Variants in IRF2BPL observed in about 807,000 individuals in gnomAD.
IRF2BPL encodes interferon regulatory factor 2 binding protein like.
In IRF2BPL, 13 loss-of-function variants were observed where a neutral mutation model predicts 51.2. That is an observed-to-expected ratio of 0.25 (90% confidence interval 0.17 to 0.40). The LOEUF (loss-of-function observed/expected upper bound fraction) is 0.40, where lower values mean the gene tolerates loss of function less well. Ranked by LOEUF, IRF2BPL falls within the 10% of genes least tolerant of loss-of-function variation. The pLI, the probability that IRF2BPL is intolerant of heterozygous loss-of-function variation, is 1.00. For synonymous variants in IRF2BPL, 768 were observed against 509.2 expected, an observed-to-expected ratio of 1.51 and a Z score of -6.84; for missense variants, 1,210 against 1,111.8, an observed-to-expected ratio of 1.09 and a Z score of -1.26.
In IRF2BPL at chr14:77,027,719, G is replaced by A. The variant is rs1360814461; in HGVS notation, c.74C>T (p.Ala25Val). 6.2e-7 allele frequency: 1 copy of A among 1,608,694 alleles called. No individual in the cohort carries two copies. Among genetic ancestry groups the A allele is most frequent in the Non-Finnish European group, 8.5e-7 (1 of 1,177,942 alleles). The change falls in exon 1 of 1, where the codon GCC (alanine) becomes GTC (valine). Residue 25 changes from alanine (A) to valine (V), a missense_variant. Physicochemically the swap from Ala to Val is moderately conservative, Grantham distance 64 (BLOSUM62 0). Coordinates refer to ENST00000238647, the MANE Select transcript of IRF2BPL (RefSeq NM_024496.4). ...YLCDLPRMPW[A>V]MIWDFSEPVC... ...GGGTTCCGAGAAGTCCCAGATCATGGCCCAGGGCATGCGGGGCAGGTCGCA... is the reference window on the plus strand; with the variant it reads ...GGGTTCCGAGAAGTCCCAGATCATGACCCAGGGCATGCGGGGCAGGTCGCA...
Position 77,028,300 on chromosome 14 carries a change from G to A in IRF2BPL, c.-508C>T, listed in dbSNP as rs925141296. 2.1e-4 allele frequency: 51 copies of A among 247,462 alleles called. No homozygotes were observed. Among genetic ancestry groups the A allele is most frequent in the Admixed American group, 7.9e-4 (14 of 17,632 alleles). The allele number at this position is 247,462 out of a possible 1,614,324, so 15.3% of individuals were successfully genotyped here. ...GCCAGAGGGTTCAGTGCCACCCGGT[G>A]CCCGGGTCCAATCTTGCTGAAGCCG... On this transcript the variant is annotated 5_prime_UTR_variant, in exon 1 of 1. Coordinates refer to ENST00000238647, the MANE Select transcript of IRF2BPL (RefSeq NM_024496.4).
In IRF2BPL at chr14:77,028,071, C is replaced by T. The variant is rs1885217811; in HGVS notation, c.-279G>A. 2.7e-6 allele frequency: 1 copy of T among 364,736 alleles called. No individual in the cohort carries two copies. Among genetic ancestry groups the T allele is most frequent in the Non-Finnish European group, 5.1e-6 (1 of 195,362 alleles). 22.6% of individuals were successfully genotyped at this position (364,736 alleles called of 1,614,324 possible). On this transcript the variant is annotated 5_prime_UTR_variant, in exon 1 of 1. Transcript: ENST00000238647. ...CTCGTCGCGAGGGGAGCTCAGGCGC[C>T]TTCTTCCTGGTGCTGCAGACTTGGG...
rs770946734 is a variant in IRF2BPL at position 77,027,420 on chromosome 14, GC to G, written c.372del (p.Gln124HisfsTer28). On this transcript the variant is annotated frameshift_variant, in exon 1 of 1. Coordinates refer to ENST00000238647, the MANE Select transcript of IRF2BPL (RefSeq NM_024496.4). LOFTEE classifies it high-confidence loss of function. ...CCATCAACGTGGTTGAGCTGTTGTT[GC>G]TGCTGCTGCTGCTGCTGCTGCTGCT... ...QQQQQQQQQQ[Q>X]QQQLNHVDGS... is the part of the protein sequence containing the mutation. 1.9e-3 allele frequency: 402 copies of G among 207,236 alleles called. 3 individuals carry two copies. In the South Asian group the frequency reaches 0.026, roughly 13 times the overall value. The allele number at this position is 207,236 out of a possible 1,614,324, so 12.8% of individuals were successfully genotyped here. A position where few individuals can be genotyped will look rare whatever the true frequency, so the allele number is the denominator to read the frequency against.
Position 77,026,790 on chromosome 14 carries a change from C to T in IRF2BPL, c.1003G>A (p.Val335Met), listed in dbSNP as rs1378876593. Residue 335 changes from valine (V) to methionine (M), a missense_variant, in exon 1 of 1, where the codon GTG becomes ATG. By Grantham distance (21) the Val-to-Met change is conservative (BLOSUM62 1). Coordinates refer to ENST00000238647, the MANE Select transcript of IRF2BPL (RefSeq NM_024496.4). ...TCGCGCTCCTGGTCTGTGCTCGACA[C>T]CGAGCCGGGCCTCTTACCACCAGCA... ...VGAGGKRPGS[V>M]SSTDQERELK... The T allele has an allele frequency of 3.7e-6, 6 of 1,612,608 alleles. No individual in the cohort carries two copies. Among genetic ancestry groups the T allele is most frequent in the African/African-American group, 2.7e-5 (2 of 74,932 alleles).
At position 77,025,364 on chromosome 14, in the gene IRF2BPL, G is replaced by T; in HGVS notation, c.*38C>A. ...GGGAGGGGCCCTCAGGATTGGAGAGGAGCTGGTCTAGGGCAAAGGAGGTGG... is the reference window on the plus strand; with the variant it reads ...GGGAGGGGCCCTCAGGATTGGAGAGTAGCTGGTCTAGGGCAAAGGAGGTGG... On this transcript the variant is annotated 3_prime_UTR_variant, in exon 1 of 1. Transcript: ENST00000238647. 2 of 1,444,162 alleles carry T rather than the reference G, an allele frequency of 1.4e-6. No individual in the cohort carries two copies. Among genetic ancestry groups the T allele is most frequent in the Non-Finnish European group, 1.9e-6 (2 of 1,073,218 alleles). The allele number at this position is 1,444,162 out of a possible 1,614,324, so 89.5% of individuals were successfully genotyped here.
rs1227932885 is a variant in IRF2BPL, at chr14:77,026,137, G to A, written c.1656C>T (p.Asp552=). The change falls in exon 1 of 1, where the codon GAC becomes GAT. Residue 552 remains aspartate (D), a synonymous_variant. Coordinates refer to ENST00000238647, the MANE Select transcript of IRF2BPL (RefSeq NM_024496.4). Reference sequence around the variant, plus strand: ...CCAGCTTCAGCGCGCCCTCGGCTGAGTCCGGGGGCTCCGGAGAGGCCTTTC... The same window carrying A: ...CCAGCTTCAGCGCGCCCTCGGCTGAATCCGGGGGCTCCGGAGAGGCCTTTC... The part of the protein sequence containing the change: ...RKRKASPEPP[D]SAEGALKLGE... 4.0e-5 allele frequency: 62 copies of A among 1,552,960 alleles called. No individual in the cohort carries two copies. Among genetic ancestry groups the A allele is most frequent in the Non-Finnish European group, 5.3e-5 (61 of 1,157,548 alleles).
In IRF2BPL at chr14:77,025,353, G is replaced by A; in HGVS notation, c.*49C>T. On this transcript the variant is annotated 3_prime_UTR_variant, in exon 1 of 1. Coordinates refer to ENST00000238647, the MANE Select transcript of IRF2BPL (RefSeq NM_024496.4). ...AGTTGGGTTGGGGGAGGGGCCCTCA[G>A]GATTGGAGAGGAGCTGGTCTAGGGC... 2.2e-6 allele frequency: 3 copies of A among 1,386,504 alleles called. No homozygotes were observed. Among genetic ancestry groups the A allele is most frequent in the Non-Finnish European group, 2.9e-6 (3 of 1,025,190 alleles). The allele number at this position is 1,386,504 out of a possible 1,614,324, so 85.9% of individuals were successfully genotyped here. A position where few individuals can be genotyped will look rare whatever the true frequency, so the allele number is the denominator to read the frequency against.
In IRF2BPL at chr14:77,025,543, C is replaced by G. The variant is rs1315599123; in HGVS notation, c.2250G>C (p.Gln750His). ...FPCSRESIKA[Q>H]GATGEVYCPS... is the part of the protein sequence containing the mutation. ...GGCAATACACCTCGCCGGTGGCCCC[C>G]TGGGCCTTGATACTCTCTCTAGAGC... The change falls in exon 1 of 1, where the codon CAG (glutamine) becomes CAC (histidine). Residue 750 changes from glutamine to histidine, a missense_variant. Gln to His is a conservative substitution (Grantham distance 24, BLOSUM62 0). Coordinates refer to ENST00000238647, the MANE Select transcript of IRF2BPL (RefSeq NM_024496.4). 2 of 1,613,910 alleles carry G rather than the reference C, an allele frequency of 1.2e-6. No homozygotes were observed. The highest frequency in any genetic ancestry group is 1.7e-6 in the Non-Finnish European group (2 of 1,179,872).
At position 77,028,081 on chromosome 14, in the gene IRF2BPL, G is replaced by C; in HGVS notation, c.-289C>G. ...GGGGAGCTCAGGCGCCTTCTTCCTG[G>C]TGCTGCAGACTTGGGCTGGAAGCTC... On this transcript the variant is annotated 5_prime_UTR_variant, in exon 1 of 1. Coordinates refer to ENST00000238647, the MANE Select transcript of IRF2BPL (RefSeq NM_024496.4). 2.9e-6 allele frequency: 1 copy of C among 343,092 alleles called. No homozygotes were observed. The highest frequency in any genetic ancestry group is 5.5e-6 in the Non-Finnish European group (1 of 181,160). The allele number at this position is 343,092 out of a possible 1,614,324, so 21.3% of individuals were successfully genotyped here.
chr14:77,025,439 G>T lies in IRF2BPL; in HGVS notation c.2354C>A (p.Ala785Asp), dbSNP rs1432066824. ...CTCCTTTTTCACTTTAACATCCCCA[G>T]CTAAGATAGTCGCGATTTCGCCCTG... ...FMQGEIATIL[A>D]GDVKVKKERD... The change falls in exon 1 of 1, where the codon GCT (alanine) becomes GAT (aspartate). Residue 785 changes from alanine to aspartate, a missense_variant. Transcript: ENST00000238647. 1 of 1,589,776 alleles carries T rather than the reference G, an allele frequency of 6.3e-7. No homozygotes were observed. The highest frequency in any genetic ancestry group is 8.6e-7 in the Non-Finnish European group (1 of 1,167,428).
At position 77,028,179 on chromosome 14, in the gene IRF2BPL, C is replaced by G. The variant is rs1396944817; in HGVS notation, c.-387G>C. 5 of 233,760 alleles carry G rather than the reference C, an allele frequency of 2.1e-5. No individual in the cohort carries two copies. The highest frequency in any genetic ancestry group is 3.6e-5 in the Non-Finnish European group (4 of 111,546). 14.5% of individuals were successfully genotyped at this position (233,760 alleles called of 1,614,324 possible). ...CCTCTTGGCCCCCTCCCCGGAGTGGCTGGTGCGTGGAAGCTCGAAAGGGGC... is the reference window on the plus strand; with the variant it reads ...CCTCTTGGCCCCCTCCCCGGAGTGGGTGGTGCGTGGAAGCTCGAAAGGGGC... On this transcript the variant is annotated 5_prime_UTR_variant, in exon 1 of 1. Coordinates refer to ENST00000238647, the MANE Select transcript of IRF2BPL (RefSeq NM_024496.4).
rs752194279 is a variant in IRF2BPL at position 77,026,627 on chromosome 14, T to C, written c.1166A>G (p.Glu389Gly). ...LLTLAGCTPY[E>G]VRFKKDHSLL... is the part of the protein sequence containing the mutation. ...CGAGTGGTCCTTCTTGAAGCGAACCTCGTAGGGCGTGCAGCCTGCCAGCGT... is the reference window on the plus strand; with the variant it reads ...CGAGTGGTCCTTCTTGAAGCGAACCCCGTAGGGCGTGCAGCCTGCCAGCGT... Residue 389 changes from glutamate (E) to glycine (G), a missense_variant, in exon 1 of 1, where the codon GAG becomes GGG. Coordinates refer to ENST00000238647, the MANE Select transcript of IRF2BPL (RefSeq NM_024496.4). 6.2e-7 allele frequency: 1 copy of C among 1,613,736 alleles called. No individual in the cohort carries two copies. Among genetic ancestry groups the C allele is most frequent in the Non-Finnish European group, 8.5e-7 (1 of 1,179,972 alleles).
At position 77,026,880 on chromosome 14, in the gene IRF2BPL, C is replaced by A. The variant is rs943162721; in HGVS notation, c.913G>T (p.Val305Leu). Residue 305 changes from valine (V) to leucine (L), a missense_variant, in exon 1 of 1, where the codon GTA (valine) becomes TTA (leucine). Coordinates refer to ENST00000238647, the MANE Select transcript of IRF2BPL (RefSeq NM_024496.4). Reference protein sequence around the residue: ...GPACLGGTPGVSATSSSASSS... With the variant: ...GPACLGGTPGLSATSSSASSS... ...GACGCGGAGGACGACGTGGCCGATACACCCGGGGTACCCCCGAGACAAGCG... is the reference window on the plus strand; with the variant it reads ...GACGCGGAGGACGACGTGGCCGATAAACCCGGGGTACCCCCGAGACAAGCG... 2 of 1,565,976 alleles carry A rather than the reference C, an allele frequency of 1.3e-6. No individual in the cohort carries two copies. Among genetic ancestry groups the A allele is most frequent in the Non-Finnish European group, 1.7e-6 (2 of 1,156,614 alleles).
At position 77,028,281 on chromosome 14, in the gene IRF2BPL, G is replaced by C; in HGVS notation, c.-489C>G. On this transcript the variant is annotated 5_prime_UTR_variant, in exon 1 of 1. Transcript: ENST00000238647. ...CGGGCCCCCTGGGGCGAGGGCCAGA[G>C]GGTTCAGTGCCACCCGGTGCCCGGG... 4.1e-6 allele frequency: 1 copy of C among 243,584 alleles called. No individual in the cohort carries two copies. The allele number at this position is 243,584 out of a possible 1,614,324, so 15.1% of individuals were successfully genotyped here. A position where few individuals can be genotyped will look rare whatever the true frequency, so the allele number is the denominator to read the frequency against.
Position 77,028,164 on chromosome 14 carries a change from C to G in IRF2BPL, c.-372G>C, listed in dbSNP as rs939078852. The G allele has an allele frequency of 4.1e-6, 1 of 241,170 alleles. No homozygotes were observed. Among genetic ancestry groups the G allele is most frequent in the African/African-American group, 2.3e-5 (1 of 43,918 alleles). The allele number at this position is 241,170 out of a possible 1,614,324, so 14.9% of individuals were successfully genotyped here. On this transcript the variant is annotated 5_prime_UTR_variant, in exon 1 of 1. Transcript: ENST00000238647. Reference sequence around the variant, plus strand: ...TGGTGGCCGCCGTTGCCTCTTGGCCCCCTCCCCGGAGTGGCTGGTGCGTGG... The same window carrying G: ...TGGTGGCCGCCGTTGCCTCTTGGCCGCCTCCCCGGAGTGGCTGGTGCGTGG...
Position 77,027,814 on chromosome 14 carries a change from A to G in IRF2BPL, c.-22T>C, listed in dbSNP as rs371951261. The G allele has an allele frequency of 4.4e-5, 66 of 1,502,252 alleles. No homozygotes were observed. The highest frequency in any genetic ancestry group is 7.7e-5 in the South Asian group (6 of 78,088). 93.1% of individuals were successfully genotyped at this position (1,502,252 alleles called of 1,614,324 possible). A position where few individuals can be genotyped will look rare whatever the true frequency, so the allele number is the denominator to read the frequency against. The stretch of plus-strand genomic sequence containing the variant: ...ACATGATGCCTGCCCTGGGGAAGGT[A>G]GGCCCCCGCCCGGGCTGTCTCCGCG... On this transcript the variant is annotated 5_prime_UTR_variant, in exon 1 of 1. Transcript: ENST00000238647.
Position 77,026,383 on chromosome 14 carries a change from G to C in IRF2BPL, c.1410C>G (p.Asp470Glu). The C allele has an allele frequency of 6.2e-6, 10 of 1,612,880 alleles. No homozygotes were observed. Among genetic ancestry groups the C allele is most frequent in the Non-Finnish European group, 8.5e-6 (10 of 1,179,866 alleles). The change falls in exon 1 of 1, where the codon GAC becomes GAG. Residue 470 changes from aspartate to glutamate, a missense_variant. Coordinates refer to ENST00000238647, the MANE Select transcript of IRF2BPL (RefSeq NM_024496.4). Reference sequence around the variant, plus strand: ...GGAGCAGGTCTCCAAGCAGGCGCCAGTCCCCGGAGCCGTGCTTCTTTTCGT... The same window carrying C: ...GGAGCAGGTCTCCAAGCAGGCGCCACTCCCCGGAGCCGTGCTTCTTTTCGT... ...LEYEKKHGSGDWRLLGDLLPE... is the reference protein window; with the variant it reads ...LEYEKKHGSGEWRLLGDLLPE...
chr14:77,024,625 A>T lies in IRF2BPL; in HGVS notation c.*777T>A, dbSNP rs766419091. The T allele has an allele frequency of 6.6e-6, 1 of 152,612 alleles. No homozygotes were observed. The highest frequency in any genetic ancestry group is 1.5e-5 in the Non-Finnish European group (1 of 68,042). The allele number at this position is 152,612 out of a possible 1,614,324, so 9.5% of individuals were successfully genotyped here. Reference sequence around the variant, plus strand: ...TGTTAACTACAGAAATGTATAAAGGACAAACAGAGCAGATTCTCCATGTCT... The same window carrying T: ...TGTTAACTACAGAAATGTATAAAGGTCAAACAGAGCAGATTCTCCATGTCT... On this transcript the variant is annotated 3_prime_UTR_variant, in exon 1 of 1. Transcript: ENST00000238647.
At position 77,027,031 on chromosome 14, in the gene IRF2BPL, G is replaced by T; in HGVS notation, c.762C>A (p.Pro254=). 1 of 1,541,078 alleles carries T rather than the reference G, an allele frequency of 6.5e-7. No individual in the cohort carries two copies. Among genetic ancestry groups the T allele is most frequent in the Non-Finnish European group, 8.7e-7 (1 of 1,145,100 alleles). The stretch of plus-strand genomic sequence containing the variant: ...TAAGCAGCGTCTGCGGTAGCAGGTT[G>T]GGGGGCACGGTGAGCTGGGGGCCTC... ...GGGGPQLTVP[P]NLLPQTLLNG... is the part of the protein sequence containing the mutation. The change falls in exon 1 of 1, where the codon CCC becomes CCA. Residue 254 remains proline (P), a synonymous_variant. Transcript: ENST00000238647.
Sources: allele counts gnomAD v4.1 joint callset, GRCh38; gene constraint gnomAD v4.1.1; transcripts MANE v1.5; gene names NCBI Gene and HGNC (gene_info 2026-07-23, HGNC 2026-07-21).